The following COL9A1 variants were observed in gnomAD, a reference collection of about 807,000 sequenced individuals.
COL9A1 encodes the protein collagen type IX alpha 1 chain, also known as collagen alpha-1(IX) chain.
In COL9A1, 104 loss-of-function variants were observed where a neutral mutation model predicts 142.6. The ratio of observed to expected loss-of-function variants is 0.73; its 90% CI spans 0.62 to 0.86. COL9A1 has a LOEUF of 0.86. Ranked by LOEUF, COL9A1 falls within the 40% of genes least tolerant of loss-of-function variation. The pLI, the probability that COL9A1 is intolerant of heterozygous loss-of-function variation, is 0.00. For missense variants in COL9A1, 1,210 were observed against 1,176.6 expected (o/e 1.03, Z -0.42); for synonymous variants, 466 against 396.0 (o/e 1.18, Z -2.10).
chr6:70,236,691 C>A (rs1769930762), intron 33 of COL9A1, among the ~76,000 whole-genome samples: 1 of 152,122 alleles, frequency 6.6e-6, no homozygotes, highest in South Asian at 2.1e-4. Context: ...AGTCAACTTG[C>A]CAAAATTGCT....
chr6:70,230,704 G>A (rs893227537), intron 36 of COL9A1, among the ~76,000 whole-genome samples: 1 of 152,136 alleles, frequency 6.6e-6, no homozygotes, highest in Non-Finnish European at 1.5e-5. Flanking sequence ...GTTTCCAGTG[G>A]TTCTCAACCC....
At chr6:70,267,432 C>A (rs1258802676) in intron 17 of COL9A1, among the ~76,000 whole-genome samples, 1 of 150,072 alleles carries the variant, frequency 6.7e-6, no homozygotes, top group Non-Finnish European at 1.5e-5. Context: ...AAGCAATTCT[C>A]TTCTCTCAGC....
chr6:70,225,440 G>GT (rs1314991517), intron 37 of COL9A1, among the ~76,000 whole-genome samples: 1 of 147,610 alleles, frequency 6.8e-6, no homozygotes, highest in East Asian at 1.9e-4. Flanking sequence ...GTTCAGTTTT[G>GT]TATTTTCTTT....
rs1768499426 is a variant in COL9A1, at chr6:70,216,332, T to C, written c.*565A>G. 1 of 156,348 alleles carries C rather than the reference T, an allele frequency of 6.4e-6. No individual in the cohort carries two copies. The highest frequency in any genetic ancestry group is 2.4e-5 in the African/African-American group (1 of 41,446). The allele number at this position is 156,348 out of a possible 1,614,324, so 9.7% of individuals were successfully genotyped here. A position where few individuals can be genotyped will look rare whatever the true frequency, so the allele number is the denominator to read the frequency against. On this transcript the variant is annotated 3_prime_UTR_variant, in exon 38 of 38. Coordinates refer to ENST00000357250, the MANE Select transcript of COL9A1 (RefSeq NM_001851.6). ...AGTTCAAGGTGAAGAAGGAAACCAATACATGACGTAAAGAAATCATTTCGG... is the reference window on the plus strand; with the variant it reads ...AGTTCAAGGTGAAGAAGGAAACCAACACATGACGTAAAGAAATCATTTCGG...
intron 36 of COL9A1, among the ~76,000 whole-genome samples, chr6:70,226,882 G>A (rs1562287709): frequency 6.6e-6 from 1 of 152,038 alleles, no homozygotes; most frequent in Non-Finnish European, 1.5e-5. Flanking sequence ...GCCAGAGTAA[G>A]CCACAAAAAC....
At chr6:70,273,643 T>G (rs892747134) in intron 12 of COL9A1, among the ~76,000 whole-genome samples, 3 of 152,126 alleles carry the variant, frequency 2.0e-5, no homozygotes, top group African/African-American at 7.2e-5. Context: ...TTAGTCGATA[T>G]TTCATTAGAG....
At chr6:70,232,312 T>C (rs567864891) in intron 36 of COL9A1, among the ~76,000 whole-genome samples, 3 of 152,320 alleles carry the variant, frequency 2.0e-5, no homozygotes, top group African/African-American at 7.2e-5. Context: ...TTTTGAACCA[T>C]GATTGAGGTA....
chr6:70,253,783 A>G (rs894632654), intron 25 of COL9A1, among the ~76,000 whole-genome samples: 1 of 152,220 alleles, frequency 6.6e-6, no homozygotes, highest in Non-Finnish European at 1.5e-5. Context: ...GGGATGTGAC[A>G]TGGTTTCATG....
chr6:70,237,857 T>C (rs147439586), intron 33 of COL9A1, among the ~76,000 whole-genome samples: 4 of 152,334 alleles, frequency 2.6e-5, no homozygotes, highest in African/African-American at 9.6e-5. Context: ...GGCTAGGCAT[T>C]GTAACCAAGT....
rs910068063 is a variant in COL9A1 at position 70,279,997 on chromosome 6, A to C, written c.975+815T>G. The C allele has an allele frequency of 1.9e-5, 13 of 698,030 alleles. No homozygotes were observed. The African/African-American group carries it at 2.1e-4, about 11-fold the overall frequency. 43.2% of individuals were successfully genotyped at this position (698,030 alleles called of 1,614,324 possible). A position where few individuals can be genotyped will look rare whatever the true frequency, so the allele number is the denominator to read the frequency against. On this transcript the variant is annotated intron_variant, in intron 10 of 37. Coordinates refer to ENST00000357250, the MANE Select transcript of COL9A1 (RefSeq NM_001851.6). ...TTACTTCACTTCATATTCCAGGGAC[A>C]AAATCAAGGACTGGTCTGTAGTGGG...
intron 13 of COL9A1, 138 bp downstream of exon 13, chr6:70,271,927 T>C (rs2127590973): frequency 1.0e-6 from 1 of 964,358 alleles, no homozygotes; most frequent in Non-Finnish European, 1.6e-6. Flanking sequence ...GTGTTATCCT[T>C]AGTAGCCACC....
rs745725671 is a variant in COL9A1 at position 70,268,839 on chromosome 6, C to T, written c.1252G>A (p.Gly418Ser). 14 of 1,613,942 alleles carry T rather than the reference C, an allele frequency of 8.7e-6. No individual in the cohort carries two copies. The South Asian group carries it at 1.1e-4, about 13-fold the overall frequency. Residue 418 changes from glycine to serine, a missense_variant, in exon 17 of 38, where the codon GGT (glycine) becomes AGT (serine). Gly to Ser is a moderately conservative substitution (Grantham distance 56). Coordinates refer to ENST00000357250, the MANE Select transcript of COL9A1 (RefSeq NM_001851.6). ...DPLCPNACPP[G>S]RSGYPGLPGM... Reference sequence around the variant, plus strand: ...GGTAGGCCTGGATATCCTGAGCGACCTGGTGGACAGGCATTGGGACACTGC... The same window carrying T: ...GGTAGGCCTGGATATCCTGAGCGACTTGGTGGACAGGCATTGGGACACTGC...
intron 16 of COL9A1, 21 bp downstream of exon 16, chr6:70,269,612 G>C (rs1234595089): frequency 6.5e-7 from 1 of 1,542,906 alleles, no homozygotes; most frequent in Admixed American, 1.7e-5. Flanking sequence ...ACTATATTTT[G>C]TTCAAAGGAA....
At chr6:70,224,588 A>C (rs12209467) in intron 37 of COL9A1, among the ~76,000 whole-genome samples, 33,891 of 152,128 alleles carry the variant, frequency 0.22, 4,063 homozygotes, top group Non-Finnish European at 0.27. Context: ...ATAGATAATT[A>C]AGTAAATTGT....
In COL9A1 at chr6:70,256,342, C is replaced by G. The variant is rs754023297; in HGVS notation, c.1503+426G>C. 2.6e-5 allele frequency among the ~76,000 whole-genome samples: 4 copies of G among 151,932 alleles called. No homozygotes were observed. The East Asian group carries it at 7.7e-4, about 29-fold the overall frequency. On this transcript the variant is annotated intron_variant, in intron 21 of 37. Coordinates refer to ENST00000357250, the MANE Select transcript of COL9A1 (RefSeq NM_001851.6). ...CAATGGATGGCTTTTTTGTCTATTT[C>G]CCTCCCAAAAACAGGCTTGAGGAAA...
At position 70,271,710 on chromosome 6, in the gene COL9A1, T is replaced by A; in HGVS notation, c.1090-2A>T. 6.2e-7 allele frequency: 1 copy of A among 1,613,612 alleles called. No homozygotes were observed. The highest frequency in any genetic ancestry group is 8.5e-7 in the Non-Finnish European group (1 of 1,179,598). On this transcript the variant is annotated splice_acceptor_variant, in intron 13 of 37. Transcript: ENST00000357250. LOFTEE classifies it high-confidence loss of function. ...GAGTCCTGCTGTCCCAGGAGGACCC[T>A]GAAGTCAACAAATCAAAGCAAATGG...
intron 30 of COL9A1, 77 bp downstream of exon 30, chr6:70,241,887 A>C: frequency 7.4e-7 from 1 of 1,351,278 alleles, no homozygotes; most frequent in Non-Finnish European, 1.0e-6. Flanking sequence ...CACAGGGCCA[A>C]AAGCAAGCTT....
At chr6:70,289,419 A>G (rs2127602608) in intron 5 of COL9A1, among the ~76,000 whole-genome samples, 1 of 152,256 alleles carries the variant, frequency 6.6e-6, no homozygotes, top group South Asian at 2.1e-4. Flanking sequence ...CACAGCCCCT[A>G]CTTCCAATCA....
At chr6:70,264,119 A>G (rs1331723984) in intron 18 of COL9A1, among the ~76,000 whole-genome samples, 1 of 152,002 alleles carries the variant, frequency 6.6e-6, no homozygotes. Context: ...CAATGCCACA[A>G]CATGTTAATT....
Sources: gnomAD v4.1 joint callset for allele counts (sites outside exome capture counted in the v4.1 genomes callset) on GRCh38, gnomAD v4.1.1 for gene constraint, MANE v1.5 for transcripts, NCBI Gene and HGNC (gene_info 2026-07-23, HGNC 2026-07-21) for gene names.